Variants in ZNF568 observed in about 807,000 individuals in gnomAD.
ZNF568 encodes the protein zinc finger protein 568.
In ZNF568, 11 loss-of-function variants were observed where a neutral mutation model predicts 18.1. The ratio of observed to expected loss-of-function variants is 0.61; its 90% confidence interval spans 0.38 to 1.00. The LOEUF is 1.00. Ranked by LOEUF, ZNF568 falls within the 50% of genes least tolerant of loss-of-function variation. The probability of loss-of-function intolerance (pLI) is 0.01; values close to 1 mark genes in which losing one functional copy is unlikely to be tolerated. For missense variants in ZNF568, 639 were observed against 768.2 expected (o/e 0.83, Z 1.99); for synonymous variants, 213 against 246.6 (o/e 0.86, Z 1.28).
At chr19:36,947,175 C>T (rs1341048952) in intron 6 of ZNF568, among the ~76,000 whole-genome samples, 2 of 151,980 alleles carry the variant, frequency 1.3e-5, no homozygotes, top group Non-Finnish European at 2.9e-5. Context: ...ACCACCACGC[C>T]CAGCTAATTT....
At chr19:36,960,776 A>G (rs2074143088) in intron 6 of ZNF568, among the ~76,000 whole-genome samples, 2 of 151,712 alleles carry the variant, frequency 1.3e-5, no homozygotes, top group South Asian at 2.1e-4. Context: ...TTTAATTATG[A>G]TCTTTAGTGG....
downstream of ZNF568, among the ~76,000 whole-genome samples, chr19:36,983,619 T>G (rs568151164): frequency 2.0e-5 from 3 of 152,314 alleles, no homozygotes; most frequent in East Asian, 5.8e-4. Flanking sequence ...TATCTAAATA[T>G]TCTGTTTTTA....
intron 3 of ZNF568, chr19:36,991,738 T>C: frequency 6.4e-7 from 1 of 1,551,934 alleles, no homozygotes; most frequent in Non-Finnish European, 8.7e-7. Context: ...TTGTTCCCTT[T>C]GTTTTTGAGC....
chr19:36,961,972 G>GT (rs1431115644), intron 6 of ZNF568, among the ~76,000 whole-genome samples: 6 of 147,050 alleles, frequency 4.1e-5, no homozygotes, highest in South Asian at 4.4e-4. Flanking sequence ...CCTGGGTAAT[G>GT]TTTTTTTTAT....
chr19:36,944,443 G>C (rs185720631), intron 6 of ZNF568, among the ~76,000 whole-genome samples: 2 of 151,722 alleles, frequency 1.3e-5, no homozygotes, highest in African/African-American at 4.8e-5. Flanking sequence ...ATGAATTTTA[G>C]ATACATCCAA....
intron 2 of ZNF568, among the ~76,000 whole-genome samples, chr19:36,920,983 G>C (rs2073443959): frequency 6.6e-6 from 1 of 152,154 alleles, no homozygotes; most frequent in Admixed American, 6.5e-5. Context: ...ATGCCATACA[G>C]GTTCGTAGCC....
At chr19:36,991,690 A>G in intron 3 of ZNF568, 2 of 1,352,554 alleles carry the variant, frequency 1.5e-6, no homozygotes, top group Non-Finnish European at 2.0e-6. Flanking sequence ...CTTGGTAATT[A>G]GGGACTGATT....
exon 4 of ZNF568, chr19:36,991,799 A>G (rs2074426628): frequency 1.3e-6 from 2 of 1,581,866 alleles, no homozygotes; most frequent in Non-Finnish European, 1.7e-6. Flanking sequence ...GAGCAGAAGA[A>G]AGAGCCCTGG....
At position 36,950,744 on chromosome 19, in the gene ZNF568, C is replaced by A; in HGVS notation, c.1591C>A (p.His531Asn). The change falls in exon 7 of 7, where the codon CAT becomes AAT. Residue 531 changes from histidine (H) to asparagine (N), a missense_variant. Coordinates refer to ENST00000333987, the MANE Select transcript of ZNF568 (RefSeq NM_198539.4). ...EKIHTGEKPY[H>N]CNQCGKAFSQ... is the part of the protein sequence containing the mutation. The stretch of plus-strand genomic sequence containing the variant: ...AATTCATACTGGAGAGAAACCTTAT[C>A]ATTGTAATCAATGTGGGAAAGCTTT... The A allele has an allele frequency of 1.2e-6, 2 of 1,613,476 alleles. No individual in the cohort carries two copies. The highest frequency in any genetic ancestry group is 1.7e-6 in the Non-Finnish European group (2 of 1,179,928).
At chr19:36,992,005 G>A (rs928085112) in intron 4 of ZNF568, among the ~76,000 whole-genome samples, 1 of 152,126 alleles carries the variant, frequency 6.6e-6, no homozygotes, top group African/African-American at 2.4e-5. Flanking sequence ...CAGTTTGGGA[G>A]GCTGAGGCGG....
intron 6 of ZNF568, among the ~76,000 whole-genome samples, chr19:36,967,815 C>T (rs2074205161): frequency 6.6e-6 from 1 of 152,204 alleles, no homozygotes; most frequent in African/African-American, 2.4e-5. Flanking sequence ...GTTGTTTCAT[C>T]ACAATGGTCC....
intron 6 of ZNF568, chr19:36,974,377 A>G (rs1421322767): frequency 6.5e-7 from 1 of 1,530,778 alleles, no homozygotes; most frequent in East Asian, 2.4e-5. Context: ...TCAGGGAGGG[A>G]TTCAGGATGG....
At chr19:36,969,826 ACT>A (rs1299022870) in intron 6 of ZNF568, among the ~76,000 whole-genome samples, 1 of 92,160 alleles carries the variant, frequency 1.1e-5, no homozygotes, top group Non-Finnish European at 2.0e-5. Context: ...ATCAAGTCTC[ACT>A]CTGCCGCCCA....
chr19:36,920,373 AGCACTTTGGGAG>A (rs2073432306), intron 2 of ZNF568, among the ~76,000 whole-genome samples: 2 of 152,316 alleles, frequency 1.3e-5, no homozygotes, highest in South Asian at 4.1e-4. Flanking sequence ...CTATAATCCC[AGCACTTTGGGAG>A]GCCGAGGCGG....
downstream of ZNF568, among the ~76,000 whole-genome samples, chr19:36,957,703 A>T (rs968216628): frequency 6.6e-6 from 1 of 152,184 alleles, no homozygotes; most frequent in Non-Finnish European, 1.5e-5. Context: ...AAAATGTTAA[A>T]TATGTGGGTA....
At chr19:36,937,531 C>G (rs569098279) in intron 6 of ZNF568, among the ~76,000 whole-genome samples, 2 of 152,294 alleles carry the variant, frequency 1.3e-5, no homozygotes, top group African/African-American at 2.4e-5. Flanking sequence ...TTGTTCCTCT[C>G]TCTATGATCC....
intron 4 of ZNF568, among the ~76,000 whole-genome samples, chr19:36,927,887 T>TATATATTA (rs1491142078): frequency 9.7e-4 from 38 of 38,996 alleles, no homozygotes; most frequent in African/African-American, 4.9e-3. Flanking sequence ...TATATATATA[T>TATATATTA]TATATATATA....
chr19:36,970,685 C>T lies in ZNF568; in HGVS notation c.359-3735C>T, dbSNP rs892582312. 2.0e-4 allele frequency among the ~76,000 whole-genome samples: 31 copies of T among 151,912 alleles called. 1 individual carries two copies. The highest frequency in any genetic ancestry group is 3.9e-4 in the Admixed American group (6 of 15,228). On this transcript the variant is annotated intron_variant, in intron 6 of 7. Coordinates refer to the ZNF568 transcript ENST00000427117. ...ACTTAGACAAAAATTCATTGGAGAGCATATATAAGTTGGATATAAATACAT... is the reference window on the plus strand; with the variant it reads ...ACTTAGACAAAAATTCATTGGAGAGTATATATAAGTTGGATATAAATACAT...
At chr19:36,981,526 G>T (rs1296786992), downstream of ZNF568, among the ~76,000 whole-genome samples, 1 of 152,058 alleles carries the variant, frequency 6.6e-6, no homozygotes, top group African/African-American at 2.4e-5. Flanking sequence ...CACATCTTTT[G>T]TTAATTTTAT....
Sources: allele counts gnomAD v4.1 joint callset (sites outside exome capture counted in the v4.1 genomes callset), GRCh38; gene constraint gnomAD v4.1.1; transcripts MANE v1.5; gene names NCBI Gene and HGNC (gene_info 2026-07-23, HGNC 2026-07-21).